Variants in ADAM22 observed in about 807,000 individuals in gnomAD.
ADAM22 encodes disintegrin and metalloproteinase domain-containing protein 22.
A neutral mutation model predicts 144.6 loss-of-function variants in ADAM22; 65 were observed. That is an observed-to-expected ratio of 0.45 (90% CI 0.37 to 0.55). The LOEUF is 0.55. ADAM22 is among the 20% of genes least tolerant of loss of function. ADAM22 has a pLI of 0.00. For synonymous variants in ADAM22, 391 were observed against 412.6 expected (o/e 0.95, Z 0.63); for missense variants, 974 against 1,184.9 (o/e 0.82, Z 2.61).
intron 27 of ADAM22, among the ~76,000 whole-genome samples, chr7:88,179,797 A>C (rs1039770300): frequency 6.6e-6 from 1 of 152,138 alleles, no homozygotes; most frequent in Non-Finnish European, 1.5e-5. Context: ...AATAGTTGGC[A>C]TGTTTTAGGA....
intron 14 of ADAM22, among the ~76,000 whole-genome samples, chr7:88,136,702 A>G (rs1286220387): frequency 6.6e-6 from 1 of 152,066 alleles, no homozygotes; most frequent in Non-Finnish European, 1.5e-5. Context: ...CATTTCAAAT[A>G]CTGAGTATAA....
At chr7:88,146,907 C>G (rs1836641849) in intron 17 of ADAM22, among the ~76,000 whole-genome samples, 1 of 152,182 alleles carries the variant, frequency 6.6e-6, no homozygotes, top group Non-Finnish European at 1.5e-5. Flanking sequence ...GAAGATTAAA[C>G]CAAATGTGAA....
At chr7:88,178,261 A>T (rs1846162037) in intron 26 of ADAM22, among the ~76,000 whole-genome samples, 1 of 152,100 alleles carries the variant, frequency 6.6e-6, no homozygotes. Context: ...TTTCAGCAAA[A>T]ATTCAGTTAT....
intron 27 of ADAM22, 60 bp from the exon 28 acceptor site, chr7:88,181,445 G>A (rs1846998316): frequency 7.0e-7 from 1 of 1,437,692 alleles, no homozygotes; most frequent in African/African-American, 1.4e-5. Context: ...TTTGCTTACT[G>A]ATCTCAAAAC....
chr7:88,029,911 C>A (rs538715303), intron 3 of ADAM22, among the ~76,000 whole-genome samples: 2 of 151,438 alleles, frequency 1.3e-5, no homozygotes, highest in Non-Finnish European at 2.9e-5. Flanking sequence ...TTTTTCTTGA[C>A]CTTTGGGAGT....
At chr7:88,000,546 T>C (rs1230855884) in intron 3 of ADAM22, among the ~76,000 whole-genome samples, 1 of 152,196 alleles carries the variant, frequency 6.6e-6, no homozygotes, top group Non-Finnish European at 1.5e-5. Flanking sequence ...TTTACTAATG[T>C]CTTCATTCTG....
chr7:87,959,887 T>C (rs984536833), intron 2 of ADAM22, among the ~76,000 whole-genome samples: 1 of 152,224 alleles, frequency 6.6e-6, no homozygotes, highest in African/African-American at 2.4e-5. Flanking sequence ...GAATATACAA[T>C]TCAGTGGTTT....
At chr7:87,976,798 G>GTA (rs1383039716) in intron 2 of ADAM22, among the ~76,000 whole-genome samples, 1 of 151,936 alleles carries the variant, frequency 6.6e-6, no homozygotes, top group Admixed American at 6.6e-5. Flanking sequence ...AGGTGCTTAT[G>GTA]TACCATTATG....
chr7:87,952,123 G>T (rs199635356), intron 2 of ADAM22, among the ~76,000 whole-genome samples: 9,258 of 149,706 alleles, frequency 0.062, 551 homozygotes, highest in East Asian at 0.27. Context: ...CCTAATTGAA[G>T]ACCCTTTATT....
In ADAM22 at chr7:87,934,476, C is replaced by T. The variant is rs1432583060; in HGVS notation, c.11C>T (p.Ala4Val). 6.2e-7 allele frequency: 1 copy of T among 1,601,476 alleles called. No individual in the cohort carries two copies. The highest frequency in any genetic ancestry group is 8.5e-7 in the Non-Finnish European group (1 of 1,177,202). Residue 4 changes from alanine to valine, a missense_variant, in exon 1 of 32, where the codon GCA (alanine) becomes GTA (valine). Physicochemically the swap from Ala to Val is moderately conservative, Grantham distance 64. Around this residue, in one of 2 missense-constraint regions of ADAM22, gnomAD observed 240 missense variants for 234.3 expected, o/e 1.02. Coordinates refer to ENST00000413139, the MANE Select transcript of ADAM22 (RefSeq NM_001324418.2). ...GCTGACGGCAGCACCATGCAGGCGG[C>T]AGTGGCTGTGTCCGTGCCCTTCTTG... is the stretch of plus-strand genomic sequence containing the variant. MQA[A>V]VAVSVPFLLL...
intron 14 of ADAM22, among the ~76,000 whole-genome samples, chr7:88,136,631 A>G (rs1341376724): frequency 6.6e-6 from 1 of 151,816 alleles, no homozygotes; most frequent in Non-Finnish European, 1.5e-5. Flanking sequence ...TTTTATTCCA[A>G]GCTTATCATT....
At chr7:88,181,423 A>G (rs1846990450) in intron 27 of ADAM22, 82 bp from the exon 28 acceptor site, 1 of 1,101,682 alleles carries the variant, frequency 9.1e-7, no homozygotes, top group East Asian at 2.5e-5. Flanking sequence ...ATGCACAGTA[A>G]TGCTTAGAAG....
rs570384450 is a variant in ADAM22 at position 88,198,609 on chromosome 7, A to G, written c.*2118A>G. ...TAATGCTATAAGGTTTATTTTGACTATAAAAGAGTTTATAGATTTGAATAT... is the reference window on the plus strand; with the variant it reads ...TAATGCTATAAGGTTTATTTTGACTGTAAAAGAGTTTATAGATTTGAATAT... On this transcript the variant is annotated 3_prime_UTR_variant, in exon 32 of 32. Coordinates refer to ENST00000413139, the MANE Select transcript of ADAM22 (RefSeq NM_001324418.2). 1 of 152,352 alleles carries G rather than the reference A, an allele frequency of 6.6e-6. No individual in the cohort carries two copies. The highest frequency in any genetic ancestry group is 2.4e-5 in the African/African-American group (1 of 41,586). 9.4% of individuals were successfully genotyped at this position (152,352 alleles called of 1,614,324 possible). A position where few individuals can be genotyped will look rare whatever the true frequency, so the allele number is the denominator to read the frequency against.
intron 3 of ADAM22, among the ~76,000 whole-genome samples, chr7:88,007,987 T>C (rs923544944): frequency 4.6e-5 from 7 of 152,166 alleles, no homozygotes; most frequent in Non-Finnish European, 8.8e-5. Context: ...AGAAAATTTT[T>C]GCAACCTACT....
At chr7:88,084,678 T>C (rs1362614901) in intron 4 of ADAM22, among the ~76,000 whole-genome samples, 2 of 152,236 alleles carry the variant, frequency 1.3e-5, no homozygotes, top group Admixed American at 6.5e-5. Flanking sequence ...TAATACATTA[T>C]AAATCAAAGT....
At chr7:88,177,995 A>G (rs1846086084) in intron 26 of ADAM22, among the ~76,000 whole-genome samples, 2 of 152,156 alleles carry the variant, frequency 1.3e-5, no homozygotes, top group Non-Finnish European at 2.9e-5. Context: ...GCAGTTGGCT[A>G]TTTGGAGGCT....
intron 3 of ADAM22, among the ~76,000 whole-genome samples, chr7:87,982,066 T>TACACACACACACACACAC (rs376989136): frequency 6.9e-5 from 6 of 86,466 alleles, no homozygotes; most frequent in African/African-American, 1.1e-4. Flanking sequence ...TATATATATA[T>TACACACACACACACACAC]ATACACACAC....
At chr7:88,165,452 A>C (rs916064385) in intron 23 of ADAM22, among the ~76,000 whole-genome samples, 1 of 152,152 alleles carries the variant, frequency 6.6e-6, no homozygotes, top group African/African-American at 2.4e-5. Context: ...TTTTGCATGA[A>C]GACCCTTACT....
At chr7:87,936,235 G>A (rs1841222013) in intron 2 of ADAM22, among the ~76,000 whole-genome samples, 1 of 151,450 alleles carries the variant, frequency 6.6e-6, no homozygotes, top group African/African-American at 2.5e-5. Context: ...TTAATAGAAG[G>A]TGGGAAATTA....
Sources: allele counts gnomAD v4.1 joint callset (sites outside exome capture counted in the v4.1 genomes callset), GRCh38; gene constraint gnomAD v4.1.1; regional missense constraint gnomAD v4.1.1; transcripts MANE v1.5; gene names NCBI Gene and HGNC (gene_info 2026-07-23, HGNC 2026-07-21).